EHBP1: variants seen among roughly 807,000 people sequenced by gnomAD.
EHBP1 encodes the protein EH domain binding protein 1.
A neutral mutation model predicts 144.0 loss-of-function variants in EHBP1; 55 were observed. The observed-to-expected ratio is 0.38, with a 90% confidence interval of 0.31 to 0.48. EHBP1 has a LOEUF of 0.48. EHBP1 is among the 20% of genes least tolerant of loss of function. The pLI is 0.98. For synonymous variants in EHBP1, 469 were observed against 472.7 expected (o/e 0.99, Z 0.10); for missense variants, 1,200 against 1,364.2 (o/e 0.88, Z 1.90).
intron 15 of EHBP1, among the ~76,000 whole-genome samples, chr2:62,985,691 C>G (rs1015154058): frequency 6.6e-6 from 1 of 152,210 alleles, no homozygotes; most frequent in African/African-American, 2.4e-5. Context: ...CCCATTCCTC[C>G]TTTCATGCCT....
chr2:63,045,669 A>C lies in EHBP1; in HGVS notation c.*169A>C. 1 of 587,406 alleles carries C rather than the reference A, an allele frequency of 1.7e-6. No individual in the cohort carries two copies. The highest frequency in any genetic ancestry group is 2.9e-5 in the East Asian group (1 of 34,382). The allele number at this position is 587,406 out of a possible 1,614,324, so 36.4% of individuals were successfully genotyped here. On this transcript the variant is annotated 3_prime_UTR_variant, in exon 23 of 23. Coordinates refer to ENST00000431489, the MANE Select transcript of EHBP1 (RefSeq NM_001142616.3). The surrounding 1 kb of genome is among the most constrained non-coding windows in gnomAD (Gnocchi z 5.7). ...CCTTTTCCTCCCTCCTTTCCAAATAATATACAGAACTCCAAAATAGCTTCA... is the reference window on the plus strand; with the variant it reads ...CCTTTTCCTCCCTCCTTTCCAAATACTATACAGAACTCCAAAATAGCTTCA...
chr2:62,809,244 T>C (rs2044755212), intron 5 of EHBP1, among the ~76,000 whole-genome samples: 2 of 140,782 alleles, frequency 1.4e-5, no homozygotes, highest in African/African-American at 5.4e-5. Context: ...TGAGCCAAGA[T>C]CGCGCCATTG....
intron 10 of EHBP1, among the ~76,000 whole-genome samples, chr2:62,906,152 CTTT>C (rs769180078): frequency 2.2e-5 from 3 of 135,062 alleles, no homozygotes; most frequent in Admixed American, 1.5e-4. Flanking sequence ...GTTATTTTGT[CTTT>C]TTTTTTTTTT....
At chr2:63,018,542 C>G (rs1171027999) in intron 19 of EHBP1, among the ~76,000 whole-genome samples, 1 of 152,206 alleles carries the variant, frequency 6.6e-6, no homozygotes. Context: ...CTAAGGTTCT[C>G]ATTTCTAACA....
intron 14 of EHBP1, among the ~76,000 whole-genome samples, chr2:62,964,520 AAGGATATATGCCTTGAACG>A (rs1351404725): frequency 6.6e-6 from 1 of 152,118 alleles, no homozygotes; most frequent in Non-Finnish European, 1.5e-5. Flanking sequence ...CTGCTTTCCC[AAGGATATATGCCTTGAACG>A]AAAAGTCACA....
intron 10 of EHBP1, among the ~76,000 whole-genome samples, chr2:62,935,236 G>A (rs1013378608): frequency 6.6e-6 from 1 of 151,250 alleles, no homozygotes; most frequent in Non-Finnish European, 1.5e-5. Flanking sequence ...GGCTGAGGCA[G>A]GAGAATCCGG....
chr2:62,726,068 T>G (rs531714162), intron 2 of EHBP1, among the ~76,000 whole-genome samples: 1 of 152,026 alleles, frequency 6.6e-6, no homozygotes, highest in Non-Finnish European at 1.5e-5. Flanking sequence ...CCCTGCAGAG[T>G]TGAGGTCCAA....
In EHBP1 at chr2:62,859,255, G is replaced by T; in HGVS notation, c.721G>T (p.Ala241Ser). ...NSNPFDDPDA[A>S]ELNPFGDPDS... ...AAATCCATTTGATGATCCTGATGCT[G>T]CAGAATTAAATCCATTTGGAGATCC... The change falls in exon 8 of 23, where the codon GCA (alanine) becomes TCA (serine). Residue 241 changes from alanine to serine, a missense_variant. Ala to Ser is a moderately conservative substitution (Grantham distance 99). Transcript: ENST00000431489. 1 of 1,610,002 alleles carries T rather than the reference G, an allele frequency of 6.2e-7. No homozygotes were observed. The highest frequency in any genetic ancestry group is 1.1e-5 in the South Asian group (1 of 90,360).
chr2:62,942,684 C>T (rs908113927), intron 10 of EHBP1, 34 bp from the exon 11 acceptor site: 1 of 1,527,656 alleles, frequency 6.5e-7, no homozygotes, highest in South Asian at 1.3e-5. Context: ...CCATTAAATT[C>T]TTTTAATGTT....
intron 2 of EHBP1, among the ~76,000 whole-genome samples, chr2:62,712,209 T>C (rs2035213906): frequency 6.6e-6 from 1 of 152,094 alleles, no homozygotes. Context: ...GCAGGGACCA[T>C]TCATTGTTAC....
rs2055537725 is a variant in EHBP1 at position 62,926,682 on chromosome 2, AC to A, written c.1186-16035del. The stretch of plus-strand genomic sequence containing the variant: ...TATCAAAAAGACAAAAACAACAACA[AC>A]AAAAAAACAAATGCTGGAGAGGATG... On this transcript the variant is annotated intron_variant, in intron 10 of 22. Coordinates refer to ENST00000431489, the MANE Select transcript of EHBP1 (RefSeq NM_001142616.3). Among the ~76,000 whole-genome samples, 5 of 152,182 alleles carry A rather than the reference AC, an allele frequency of 3.3e-5. No homozygotes were observed. The South Asian group carries it at 8.3e-4, about 25-fold the overall frequency.
intron 10 of EHBP1, among the ~76,000 whole-genome samples, chr2:62,923,126 C>T (rs1221378242): frequency 6.6e-6 from 1 of 152,188 alleles, no homozygotes; most frequent in East Asian, 1.9e-4. Flanking sequence ...AGTCACTGCA[C>T]CTGTCTAACA....
At chr2:62,812,272 T>C (rs1243204609) in intron 5 of EHBP1, among the ~76,000 whole-genome samples, 3 of 152,136 alleles carry the variant, frequency 2.0e-5, no homozygotes, top group Non-Finnish European at 4.4e-5. Flanking sequence ...CTGATACTCT[T>C]GTTACAGCAG....
chr2:62,846,324 A>G (rs1198232549), intron 7 of EHBP1, among the ~76,000 whole-genome samples: 1 of 152,202 alleles, frequency 6.6e-6, no homozygotes, highest in Non-Finnish European at 1.5e-5. Context: ...TTAATATTCA[A>G]AGTACCTATA....
At chr2:62,811,907 T>G (rs2045041621) in intron 5 of EHBP1, among the ~76,000 whole-genome samples, 1 of 152,128 alleles carries the variant, frequency 6.6e-6, no homozygotes, top group Non-Finnish European at 1.5e-5. Context: ...TTTGAATGTA[T>G]CCCCCAAAGT....
At position 63,045,076 on chromosome 2, in the gene EHBP1, G is replaced by A. The variant is rs2061889285; in HGVS notation, c.3288G>A (p.Lys1096=). The A allele has an allele frequency of 1.3e-6, 2 of 1,562,446 alleles. No individual in the cohort carries two copies. The highest frequency in any genetic ancestry group is 4.8e-5 in the East Asian group (2 of 41,976). ...TCCCGTCTTCTGCAGACTGGCAGAA[G>A]ACCGAGGCCCAGAAGCGACGCGAAC... The part of the protein sequence containing the change: ...RAMLAIEDWQ[K]TEAQKRREQL... The change falls in exon 22 of 23, where the codon AAG becomes AAA. Residue 1096 remains lysine, a synonymous_variant. Transcript: ENST00000431489. The surrounding 1 kb of genome is among the most constrained non-coding windows in gnomAD (Gnocchi z 5.7).
chr2:62,927,242 G>T (rs1453924066), intron 10 of EHBP1, among the ~76,000 whole-genome samples: 1 of 152,004 alleles, frequency 6.6e-6, no homozygotes, highest in Non-Finnish European at 1.5e-5. Context: ...ATTTGTTAAA[G>T]GATACAAAAT....
intron 13 of EHBP1, among the ~76,000 whole-genome samples, chr2:62,953,060 A>G (rs2057471678): frequency 6.6e-6 from 1 of 151,916 alleles, no homozygotes; most frequent in Non-Finnish European, 1.5e-5. Flanking sequence ...CTCTACTAAA[A>G]ATATGAAATT....
At chr2:62,829,161 A>G (rs554884805) in intron 6 of EHBP1, among the ~76,000 whole-genome samples, 6 of 152,254 alleles carry the variant, frequency 3.9e-5, no homozygotes, top group Middle Eastern at 3.4e-3. Context: ...AGTCTTCCAT[A>G]TATATCTACA....
Sources: gnomAD v4.1 joint callset for allele counts (sites outside exome capture counted in the v4.1 genomes callset) on GRCh38, gnomAD v4.1.1 for gene constraint, Gnocchi (gnomAD v3.1) non-coding constraint, MANE v1.5 for transcripts, NCBI Gene and HGNC (gene_info 2026-07-23, HGNC 2026-07-21) for gene names.